The following ARHGEF26 variants were observed in gnomAD, a reference collection of about 807,000 sequenced individuals.
The protein encoded by ARHGEF26 is Rho guanine nucleotide exchange factor 26.
In ARHGEF26, 59 loss-of-function variants were observed where a neutral mutation model predicts 89.4. That is an observed-to-expected ratio of 0.66 (90% CI 0.54 to 0.82). The LOEUF is 0.82. Ranked by LOEUF, ARHGEF26 falls within the 40% of genes least tolerant of loss-of-function variation. The probability of loss-of-function intolerance (pLI) is 0.00; values close to 1 mark genes in which losing one functional copy is unlikely to be tolerated. For missense variants in ARHGEF26, 1,234 were observed against 1,085.6 expected (o/e 1.14, Z -1.92); for synonymous variants, 500 against 428.4 (o/e 1.17, Z -2.06).
At chr3:154,128,065 A>G (rs982395526) in intron 3 of ARHGEF26, among the ~76,000 whole-genome samples, 4 of 152,078 alleles carry the variant, frequency 2.6e-5, no homozygotes, top group African/African-American at 9.7e-5. Flanking sequence ...ATCACACCCT[A>G]CTGACAGTCT....
intron 6 of ARHGEF26, among the ~76,000 whole-genome samples, chr3:154,159,273 A>C (rs549113484): frequency 1.0e-3 from 159 of 152,224 alleles, no homozygotes; most frequent in Non-Finnish European, 1.9e-3. Flanking sequence ...AGACCTTTGC[A>C]AGGTACTTGT....
intron 10 of ARHGEF26, among the ~76,000 whole-genome samples, chr3:154,220,001 T>C (rs552105503): frequency 7.2e-5 from 11 of 152,334 alleles, no homozygotes; most frequent in Admixed American, 3.3e-4. Context: ...CATTCAATGA[T>C]TAAAATATTT....
chr3:154,170,601 C>T (rs979275248), intron 6 of ARHGEF26, among the ~76,000 whole-genome samples: 1 of 152,180 alleles, frequency 6.6e-6, no homozygotes, highest in Non-Finnish European at 1.5e-5. Flanking sequence ...GAGCAAAATA[C>T]CTAACATCTT....
chr3:154,145,634 A>AT (rs1272941978), intron 4 of ARHGEF26, among the ~76,000 whole-genome samples: 1 of 152,208 alleles, frequency 6.6e-6, no homozygotes, highest in Admixed American at 6.5e-5. Context: ...AGGAATGCAC[A>AT]TTCATCTAGA....
At chr3:154,233,288 GA>G (rs995507519) in intron 11 of ARHGEF26, among the ~76,000 whole-genome samples, 1 of 151,946 alleles carries the variant, frequency 6.6e-6, no homozygotes, top group African/African-American at 2.4e-5. Flanking sequence ...TCAGTCAAGT[GA>G]AAAAAAATTT....
rs1717991541 is a variant in ARHGEF26 at position 154,122,235 on chromosome 3, C to T, written c.243C>T (p.Pro81=). The change falls in exon 2 of 15, where the codon CCC becomes CCT. Residue 81 remains proline, a synonymous_variant. Coordinates refer to ENST00000465093, the MANE Select transcript of ARHGEF26 (RefSeq NM_015595.4). The part of the protein sequence containing the change: ...ASDSRTVHRS[P]LLLGAQRRAV... ...ACAGCAGGACGGTACATAGGAGCCC[C>T]CTGCTTCTGGGCGCCCAGCGGAGAG... The T allele has an allele frequency of 1.2e-6, 2 of 1,610,570 alleles. No homozygotes were observed. Among genetic ancestry groups the T allele is most frequent in the East Asian group, 2.2e-5 (1 of 44,644 alleles).
intron 11 of ARHGEF26, among the ~76,000 whole-genome samples, chr3:154,236,249 A>G (rs1717120875): frequency 1.3e-5 from 2 of 152,234 alleles, no homozygotes; most frequent in Non-Finnish European, 1.5e-5. Flanking sequence ...AAAGAAAGAA[A>G]TCTCAACAAA....
At chr3:154,203,214 G>A (rs900679504) in intron 9 of ARHGEF26, among the ~76,000 whole-genome samples, 42 of 152,120 alleles carry the variant, frequency 2.8e-4, no homozygotes, top group African/African-American at 8.9e-4. Flanking sequence ...ATGAAGGGTT[G>A]TTGAATTTTG....
At chr3:154,197,975 C>G (rs1714389350) in intron 9 of ARHGEF26, among the ~76,000 whole-genome samples, 2 of 152,144 alleles carry the variant, frequency 1.3e-5, no homozygotes, top group African/African-American at 4.8e-5. Context: ...CTGACCTCAT[C>G]AAAATTCCGT....
At chr3:154,170,831 G>C (rs1423123562) in intron 6 of ARHGEF26, among the ~76,000 whole-genome samples, 1 of 152,166 alleles carries the variant, frequency 6.6e-6, no homozygotes, top group Non-Finnish European at 1.5e-5. Flanking sequence ...ATTCTCAAAA[G>C]ATATCCCAAT....
chr3:154,177,291 T>C (rs1416405193), intron 6 of ARHGEF26, among the ~76,000 whole-genome samples: 1 of 152,222 alleles, frequency 6.6e-6, no homozygotes, highest in African/African-American at 2.4e-5. Context: ...CATTTGACCC[T>C]TCTGAACTAA....
chr3:154,207,143 C>T (rs1267502255), intron 9 of ARHGEF26, among the ~76,000 whole-genome samples: 2 of 152,100 alleles, frequency 1.3e-5, no homozygotes, highest in African/African-American at 2.4e-5. Context: ...AACCTTAAAA[C>T]TATAAAACCC....
Position 154,191,721 on chromosome 3 carries a change from C to G in ARHGEF26, c.1770+303C>G, listed in dbSNP as rs531073681. Among the ~76,000 whole-genome samples the G allele has an allele frequency of 1.1e-4, 16 of 152,290 alleles. 2 individuals carry two copies. The South Asian group carries it at 3.3e-3, about 32-fold the overall frequency. On this transcript the variant is annotated intron_variant, in intron 8 of 14. Transcript: ENST00000465093. The stretch of plus-strand genomic sequence containing the variant: ...ATGTCAGGAGGCCTGGATTCCAATT[C>G]TAGCTAAGCCATTAGGCATGTGACC...
Position 154,255,913 on chromosome 3 carries a change from A to C in ARHGEF26, c.*440A>C, listed in dbSNP as rs1718469415. The C allele has an allele frequency of 1.0e-6, 1 of 988,458 alleles. No individual in the cohort carries two copies. The highest frequency in any genetic ancestry group is 1.7e-5 in the African/African-American group (1 of 57,414). The allele number at this position is 988,458 out of a possible 1,614,324, so 61.2% of individuals were successfully genotyped here. A position where few individuals can be genotyped will look rare whatever the true frequency, so the allele number is the denominator to read the frequency against. ...CTGTAAAGAATGTCCAGTTTTGTAA[A>C]TATTTCCCTGCCTTTTTTTTTCTTT... On this transcript the variant is annotated 3_prime_UTR_variant, in exon 15 of 15. Coordinates refer to ENST00000465093, the MANE Select transcript of ARHGEF26 (RefSeq NM_015595.4).
At chr3:154,239,257 AG>A (rs1717310546) in intron 11 of ARHGEF26, among the ~76,000 whole-genome samples, 1 of 63,748 alleles carries the variant, frequency 1.6e-5, no homozygotes, top group African/African-American at 6.3e-5. Context: ...ACCGAGAGAG[AG>A]AGGGAGAGAG....
chr3:154,210,207 G>A (rs1002536672), intron 9 of ARHGEF26, among the ~76,000 whole-genome samples: 3 of 152,078 alleles, frequency 2.0e-5, no homozygotes, highest in South Asian at 2.1e-4. Flanking sequence ...TCCTGGAGTC[G>A]GGGACCCCAG....
At chr3:154,219,324 G>A (rs1715971096) in intron 10 of ARHGEF26, among the ~76,000 whole-genome samples, 1 of 152,112 alleles carries the variant, frequency 6.6e-6, no homozygotes, top group Non-Finnish European at 1.5e-5. Context: ...GCCGGGCGAG[G>A]TGGCTCATGC....
intron 10 of ARHGEF26, among the ~76,000 whole-genome samples, chr3:154,218,619 G>C (rs751549377): frequency 6.6e-6 from 1 of 152,296 alleles, no homozygotes; most frequent in Middle Eastern, 3.4e-3. Flanking sequence ...ACTTGTAAAT[G>C]TAATTAAACA....
chr3:154,239,293 A>AGAGAGAGT (rs1301397045), intron 11 of ARHGEF26, among the ~76,000 whole-genome samples: 3 of 58,974 alleles, frequency 5.1e-5, no homozygotes, highest in Non-Finnish European at 7.7e-5. Flanking sequence ...AGAGAGAGAG[A>AGAGAGAGT]GAGAGAGTGT....
Sources: gnomAD v4.1 joint callset for allele counts (sites outside exome capture counted in the v4.1 genomes callset) on GRCh38, gnomAD v4.1.1 for gene constraint, MANE v1.5 for transcripts, NCBI Gene and HGNC (gene_info 2026-07-23, HGNC 2026-07-21) for gene names.